SLC9A9: variants seen among roughly 807,000 people sequenced by gnomAD.
SLC9A9 encodes the protein solute carrier family 9 member A9, also known as sodium/hydrogen exchanger 9.
SLC9A9 carries 62 observed loss-of-function variants against 77.8 expected under a neutral mutation model. The observed-to-expected ratio is 0.80, with a 90% CI of 0.65 to 0.98. The LOEUF (loss-of-function observed/expected upper bound fraction) is 0.98, where lower values mean the gene tolerates loss of function less well. SLC9A9 is among the 50% of genes least tolerant of loss of function. The probability of loss-of-function intolerance (pLI) is 0.00; values close to 1 mark genes in which losing one functional copy is unlikely to be tolerated. For missense variants in SLC9A9, 775 were observed against 774.9 expected (o/e 1.00, Z 0.00); for synonymous variants, 320 against 283.5 (o/e 1.13, Z -1.29).
intron 9 of SLC9A9, among the ~76,000 whole-genome samples, chr3:143,504,655 T>C (rs2035981034): frequency 6.6e-6 from 1 of 152,226 alleles, no homozygotes; most frequent in African/African-American, 2.4e-5. Flanking sequence ...ACAATGTTAA[T>C]GAAATTCCTA....
intron 12 of SLC9A9, among the ~76,000 whole-genome samples, chr3:143,441,386 C>T (rs978165640): frequency 2.0e-5 from 3 of 152,200 alleles, no homozygotes; most frequent in African/African-American, 7.2e-5. Context: ...GGGATCCTCA[C>T]AGAAAACCTC....
At chr3:143,487,900 T>G (rs1396703685) in intron 11 of SLC9A9, among the ~76,000 whole-genome samples, 4 of 151,276 alleles carry the variant, frequency 2.6e-5, no homozygotes, top group African/African-American at 9.7e-5. Context: ...AGATTAGAGA[T>G]AAATAGAATA....
intron 5 of SLC9A9, among the ~76,000 whole-genome samples, chr3:143,661,763 G>A (rs1475272325): frequency 1.3e-5 from 2 of 152,050 alleles, no homozygotes; most frequent in African/African-American, 2.4e-5. Context: ...GACCTCAAAT[G>A]ATCCACCCAC....
chr3:143,373,636 T>C (rs966134136), intron 13 of SLC9A9, among the ~76,000 whole-genome samples: 2 of 110,704 alleles, frequency 1.8e-5, no homozygotes, highest in Non-Finnish European at 3.9e-5. Context: ...AAAATAGCCA[T>C]TAAAAATTCC....
At chr3:143,635,220 C>G (rs1484546687) in intron 6 of SLC9A9, among the ~76,000 whole-genome samples, 2 of 152,178 alleles carry the variant, frequency 1.3e-5, no homozygotes, top group East Asian at 3.8e-4. Context: ...AGGTGGAACT[C>G]TCCACAGACT....
chr3:143,803,618 C>T (rs2108865483), intron 2 of SLC9A9, among the ~76,000 whole-genome samples: 1 of 152,248 alleles, frequency 6.6e-6, no homozygotes, highest in Non-Finnish European at 1.5e-5. Flanking sequence ...TGATGAAGTT[C>T]TATTCTTTAC....
chr3:143,764,302 A>G (rs2007231947), intron 4 of SLC9A9, among the ~76,000 whole-genome samples: 1 of 152,150 alleles, frequency 6.6e-6, no homozygotes, highest in African/African-American at 2.4e-5. Context: ...CAGGGTGAAC[A>G]TACCCTATTT....
intron 6 of SLC9A9, among the ~76,000 whole-genome samples, chr3:143,582,474 CA>C (rs543952244): frequency 2.4e-3 from 362 of 152,290 alleles, no homozygotes; most frequent in African/African-American, 8.5e-3. Context: ...ACAAGTCTCA[CA>C]ATAACAACAG....
chr3:143,455,223 G>A (rs537360416), intron 12 of SLC9A9, among the ~76,000 whole-genome samples: 1 of 152,242 alleles, frequency 6.6e-6, no homozygotes, highest in African/African-American at 2.4e-5. Flanking sequence ...AAATCAATAC[G>A]CCATAGTTGT....
At chr3:143,512,651 G>C (rs2036135896) in intron 9 of SLC9A9, among the ~76,000 whole-genome samples, 1 of 152,208 alleles carries the variant, frequency 6.6e-6, no homozygotes, top group Admixed American at 6.5e-5. Context: ...GCCAAGGCGG[G>C]TGGATCACGA....
At chr3:143,607,299 AAGG>A (rs1258815543) in intron 6 of SLC9A9, among the ~76,000 whole-genome samples, 1 of 152,116 alleles carries the variant, frequency 6.6e-6, no homozygotes, top group Non-Finnish European at 1.5e-5. Flanking sequence ...AGAATCACTA[AAGG>A]AAAAACTTCA....
intron 12 of SLC9A9, among the ~76,000 whole-genome samples, chr3:143,454,443 AAGTTTTAT>A (rs1476044294): frequency 2.0e-5 from 3 of 151,924 alleles, no homozygotes; most frequent in Admixed American, 2.0e-4. Context: ...TTTTTTCTCG[AAGTTTTAT>A]AGTTTTATAT....
chr3:143,831,302 G>A (rs1488685258), intron 2 of SLC9A9, among the ~76,000 whole-genome samples: 1 of 152,118 alleles, frequency 6.6e-6, no homozygotes, highest in South Asian at 2.1e-4. Context: ...GACTGATCCA[G>A]GGTTTACAAG....
intron 12 of SLC9A9, among the ~76,000 whole-genome samples, chr3:143,429,092 AATT>A (rs1408026127): frequency 6.6e-6 from 1 of 152,232 alleles, no homozygotes; most frequent in African/African-American, 2.4e-5. Flanking sequence ...GTGATATGGT[AATT>A]ATCCTGATTT....
chr3:143,701,287 T>C lies in SLC9A9; in HGVS notation c.534-7980A>G, dbSNP rs761213215. Among the ~76,000 whole-genome samples the C allele has an allele frequency of 2.0e-5, 3 of 152,050 alleles. No individual in the cohort carries two copies. The East Asian group carries it at 5.8e-4, about 29-fold the overall frequency. On this transcript the variant is annotated intron_variant, in intron 4 of 15. Transcript: ENST00000316549. ...AGCATCAAGACCACCGTGGAAAACA[T>C]AACCTCACCAAGTGAACTAAATAAG...
At chr3:143,457,692 G>A (rs2035118748) in intron 12 of SLC9A9, among the ~76,000 whole-genome samples, 1 of 151,992 alleles carries the variant, frequency 6.6e-6, no homozygotes, top group Non-Finnish European at 1.5e-5. Context: ...TTTCTCTTGA[G>A]ATTTTATCTT....
intron 4 of SLC9A9, among the ~76,000 whole-genome samples, chr3:143,772,641 G>A (rs770231287): frequency 5.9e-5 from 9 of 152,142 alleles, no homozygotes; most frequent in Non-Finnish European, 1.2e-4. Context: ...GATAAATACC[G>A]CAGATGCCTT....
Position 143,268,960 on chromosome 3 carries a change from G to A in SLC9A9, c.1625C>T (p.Thr542Ile), listed in dbSNP as rs765483931. 1.2e-6 allele frequency: 2 copies of A among 1,613,422 alleles called. No individual in the cohort carries two copies. The highest frequency in any genetic ancestry group is 8.5e-7 in the Non-Finnish European group (1 of 1,179,576). Reference sequence around the variant, plus strand: ...TGTAGTCAGCGGAGGACCAGAGTGGGTTAAAATTGGTTTCAGATACCTGGG... The same window carrying A: ...TGTAGTCAGCGGAGGACCAGAGTGGATTAAAATTGGTTTCAGATACCTGGG... Reference protein sequence around the residue: ...FDHKYLKPILTHSGPPLTTTL... With the variant: ...FDHKYLKPILIHSGPPLTTTL... Residue 542 changes from threonine to isoleucine, a missense_variant, in exon 15 of 16, where the codon ACC (threonine) becomes ATC (isoleucine). Thr to Ile is a moderately conservative substitution (Grantham distance 89). Transcript: ENST00000316549.
intron 4 of SLC9A9, among the ~76,000 whole-genome samples, chr3:143,694,249 A>AT (rs2108783588): frequency 6.6e-6 from 1 of 152,260 alleles, no homozygotes; most frequent in Non-Finnish European, 1.5e-5. Flanking sequence ...GAATGCAGAT[A>AT]TTTTAAATTA....
Sources: allele counts gnomAD v4.1 joint callset (sites outside exome capture counted in the v4.1 genomes callset), GRCh38; gene constraint gnomAD v4.1.1; transcripts MANE v1.5; gene names NCBI Gene and HGNC (gene_info 2026-07-23, HGNC 2026-07-21).